The following TMEM132D variants were observed in gnomAD, a reference collection of about 807,000 sequenced individuals.
TMEM132D encodes mature OL transmembrane protein.
TMEM132D carries 21 observed loss-of-function variants against 62.3 expected under a neutral mutation model. The ratio of observed to expected loss-of-function variants is 0.34; its 90% confidence interval spans 0.24 to 0.49. TMEM132D has a LOEUF of 0.49. TMEM132D is among the 20% of genes least tolerant of loss of function. The pLI is 0.99. For synonymous variants in TMEM132D, 621 were observed against 575.6 expected, an observed-to-expected ratio of 1.08 and a Z score of -1.13; for missense variants, 1,346 against 1,402.8, an observed-to-expected ratio of 0.96 and a Z score of 0.65.
intron 5 of TMEM132D, among the ~76,000 whole-genome samples, chr12:129,147,625 C>T (rs1179035343): frequency 6.6e-6 from 1 of 152,156 alleles, no homozygotes; most frequent in Non-Finnish European, 1.5e-5. Flanking sequence ...CTGTGTTAGA[C>T]AACGTATTCG....
chr12:129,118,636 A>G (rs1437318613), intron 5 of TMEM132D, among the ~76,000 whole-genome samples: 1 of 152,238 alleles, frequency 6.6e-6, no homozygotes, highest in East Asian at 1.9e-4. Flanking sequence ...CATCAAAGCA[A>G]AACGTACCTG....
At chr12:129,412,868 C>T (rs1435690896) in intron 3 of TMEM132D, among the ~76,000 whole-genome samples, 1 of 152,008 alleles carries the variant, frequency 6.6e-6, no homozygotes, top group African/African-American at 2.4e-5. Flanking sequence ...GCAACAACAA[C>T]AACACATGAG....
At chr12:129,807,416 A>G (rs1872029019) in intron 1 of TMEM132D, among the ~76,000 whole-genome samples, 3 of 152,126 alleles carry the variant, frequency 2.0e-5, no homozygotes, top group Admixed American at 6.5e-5. Context: ...AGTCTCCACT[A>G]AAGTTCACAG....
chr12:129,342,163 T>G (rs1479935007), intron 3 of TMEM132D, among the ~76,000 whole-genome samples: 1 of 152,152 alleles, frequency 6.6e-6, no homozygotes, highest in Non-Finnish European at 1.5e-5. Flanking sequence ...TCACGCTACC[T>G]GACTTCAAAC....
chr12:129,177,219 T>C (rs1475898915), intron 5 of TMEM132D, among the ~76,000 whole-genome samples: 12 of 152,242 alleles, frequency 7.9e-5, no homozygotes, highest in Admixed American at 3.9e-4. Context: ...TGCGTTCATC[T>C]ATTTTAAAAA....
At chr12:129,603,209 T>C (rs1310280659) in intron 2 of TMEM132D, among the ~76,000 whole-genome samples, 3 of 152,204 alleles carry the variant, frequency 2.0e-5, no homozygotes, top group African/African-American at 7.2e-5. Context: ...ACACATTTTA[T>C]GGGTTTGAAC....
chr12:129,757,796 T>C (rs1870219213), intron 1 of TMEM132D, among the ~76,000 whole-genome samples: 1 of 152,286 alleles, frequency 6.6e-6, no homozygotes, highest in African/African-American at 2.4e-5. Context: ...TTCAACAGGA[T>C]CCCACAGCTT....
chr12:129,098,145 C>A (rs1279557443), intron 5 of TMEM132D, among the ~76,000 whole-genome samples: 2 of 152,214 alleles, frequency 1.3e-5, no homozygotes, highest in Non-Finnish European at 2.9e-5. Context: ...AAGTTCAAGA[C>A]TGCCTGGAAA....
chr12:129,119,816 A>G (rs534206079), intron 5 of TMEM132D, among the ~76,000 whole-genome samples: 1 of 152,310 alleles, frequency 6.6e-6, no homozygotes, highest in African/African-American at 2.4e-5. Flanking sequence ...TCAGGGAAAC[A>G]GATGTAAATT....
chr12:129,193,776 G>A (rs963245865), intron 5 of TMEM132D, among the ~76,000 whole-genome samples: 4 of 152,190 alleles, frequency 2.6e-5, no homozygotes, highest in Admixed American at 2.6e-4. Context: ...CAGGAATATA[G>A]AAATGAGTAA....
In TMEM132D at chr12:129,707,161, A is replaced by G. The variant is rs532099258; in HGVS notation, c.80-6463T>C. Among the ~76,000 whole-genome samples the G allele has an allele frequency of 3.0e-4, 44 of 148,098 alleles. No homozygotes were observed. The East Asian group carries it at 4.7e-3, about 16-fold the overall frequency. On this transcript the variant is annotated intron_variant, in intron 1 of 8. Coordinates refer to ENST00000422113, the MANE Select transcript of TMEM132D (RefSeq NM_133448.3). ...GTGTTGCATTAGGAAAAATATATAT[A>G]TATATAATATATACTATATCTATAA...
At chr12:129,212,545 G>A (rs947129636) in intron 4 of TMEM132D, 1 of 152,172 alleles carries the variant, frequency 6.6e-6, no homozygotes, top group African/African-American at 2.4e-5. Flanking sequence ...ACCTATAACT[G>A]CTCTGATTTT....
At chr12:129,823,684 C>G (rs556220247) in intron 1 of TMEM132D, among the ~76,000 whole-genome samples, 5 of 152,276 alleles carry the variant, frequency 3.3e-5, no homozygotes, top group Non-Finnish European at 7.4e-5. Flanking sequence ...TAGGAAGAAT[C>G]GTGGAGAGGA....
intron 3 of TMEM132D, among the ~76,000 whole-genome samples, chr12:129,393,107 T>C (rs1871334149): frequency 6.6e-6 from 1 of 152,196 alleles, no homozygotes; most frequent in Non-Finnish European, 1.5e-5. Context: ...GGCATGTAAT[T>C]AACATTTCCA....
intron 5 of TMEM132D, among the ~76,000 whole-genome samples, chr12:129,135,893 T>C (rs944241883): frequency 6.6e-6 from 1 of 152,222 alleles, no homozygotes; most frequent in African/African-American, 2.4e-5. Context: ...GCATTCTCTT[T>C]TATAAAGACA....
chr12:129,532,013 C>T (rs1390793078), intron 2 of TMEM132D, among the ~76,000 whole-genome samples: 2 of 151,948 alleles, frequency 1.3e-5, no homozygotes, highest in South Asian at 2.1e-4. Context: ...CTGAGATCGA[C>T]CCACAGCACT....
chr12:129,547,163 G>A (rs558739436), intron 2 of TMEM132D, among the ~76,000 whole-genome samples: 86 of 152,192 alleles, frequency 5.7e-4, no homozygotes, highest in African/African-American at 2.0e-3. Flanking sequence ...CCTCACCCGG[G>A]GCAGCATCAC....
intron 4 of TMEM132D, among the ~76,000 whole-genome samples, chr12:129,332,254 C>CA (rs1203769318): frequency 5.9e-5 from 9 of 151,636 alleles, no homozygotes; most frequent in Non-Finnish European, 1.2e-4. Context: ...ACTGAAAAAA[C>CA]AATGTAATAA....
chr12:129,492,287 A>G (rs1874818739), intron 3 of TMEM132D, among the ~76,000 whole-genome samples: 1 of 152,214 alleles, frequency 6.6e-6, no homozygotes, highest in African/African-American at 2.4e-5. Flanking sequence ...GAGATGCATC[A>G]TTTTGCTCAC....
Sources: allele counts gnomAD v4.1 joint callset (sites outside exome capture counted in the v4.1 genomes callset), GRCh38; gene constraint gnomAD v4.1.1; transcripts MANE v1.5; gene names NCBI Gene and HGNC (gene_info 2026-07-23, HGNC 2026-07-21).